Variants in APLF observed in about 807,000 individuals in gnomAD.
The protein encoded by APLF is aprataxin and PNK-like factor.
APLF carries 61 observed loss-of-function variants against 55.6 expected under a neutral mutation model. That is an observed-to-expected ratio of 1.10 (90% CI 0.89 to 1.36). The LOEUF is 1.36. Among genes scored for constraint, APLF ranks in the 40% most tolerant of loss-of-function variants. The probability of loss-of-function intolerance (pLI) is 0.00; values close to 1 mark genes in which losing one functional copy is unlikely to be tolerated. For missense variants in APLF, 611 were observed against 602.5 expected (o/e 1.01, Z -0.15); for synonymous variants, 207 against 214.8 (o/e 0.96, Z 0.32).
chr2:68,472,024 C>T (rs1675631997), intron 1 of APLF, among the ~76,000 whole-genome samples: 1 of 152,124 alleles, frequency 6.6e-6, no homozygotes. Context: ...GCAGGGGCTT[C>T]CAGGCTATAG....
At chr2:68,514,144 T>C (rs1669500023) in intron 5 of APLF, among the ~76,000 whole-genome samples, 1 of 151,830 alleles carries the variant, frequency 6.6e-6, no homozygotes, top group East Asian at 1.9e-4. Context: ...AATTCCTCTT[T>C]GGTTCTTTTG....
chr2:68,559,752 T>C (rs1022440945), intron 8 of APLF, among the ~76,000 whole-genome samples: 1 of 152,136 alleles, frequency 6.6e-6, no homozygotes, highest in Non-Finnish European at 1.5e-5. Flanking sequence ...AATACTGCAG[T>C]AGTTTCCCGA....
intron 1 of APLF, among the ~76,000 whole-genome samples, chr2:68,480,981 A>G (rs987663387): frequency 1.5e-4 from 23 of 152,290 alleles, no homozygotes; most frequent in African/African-American, 5.3e-4. Context: ...ATGGTGTATA[A>G]TCTTTTTAAT....
intron 9 of APLF, among the ~76,000 whole-genome samples, chr2:68,576,342 A>G (rs1184718075): frequency 6.6e-6 from 1 of 152,114 alleles, no homozygotes; most frequent in Non-Finnish European, 1.5e-5. Context: ...GGTAACTGAG[A>G]TTAGACATAA....
intron 1 of APLF, among the ~76,000 whole-genome samples, chr2:68,475,067 G>C (rs1448694510): frequency 6.6e-6 from 1 of 152,180 alleles, no homozygotes; most frequent in African/African-American, 2.4e-5. Context: ...GCACAGAATA[G>C]GTCTTTAAGA....
Sources: gnomAD v4.1 joint callset for allele counts (sites outside exome capture counted in the v4.1 genomes callset) on GRCh38, gnomAD v4.1.1 for gene constraint, MANE v1.5 for transcripts, NCBI Gene and HGNC (gene_info 2026-07-23, HGNC 2026-07-21) for gene names.